NCAPH: variants seen among roughly 807,000 people sequenced by gnomAD.
The protein encoded by NCAPH is condensin complex subunit 2.
Under a neutral mutation model 85.5 loss-of-function variants are expected in NCAPH, and 38 were observed. The ratio of observed to expected loss-of-function variants is 0.44; its 90% CI spans 0.34 to 0.58. The LOEUF (loss-of-function observed/expected upper bound fraction) is 0.58. NCAPH is among the 20% of genes least tolerant of loss of function. The pLI, the probability that NCAPH is intolerant of heterozygous loss-of-function variation, is 0.01. For missense variants in NCAPH, 789 were observed against 916.6 expected (o/e 0.86, Z 1.80); for synonymous variants, 301 against 335.1 (o/e 0.90, Z 1.11).
chr2:96,348,493 A>G (rs900642533), intron 6 of NCAPH, among the ~76,000 whole-genome samples: 3 of 150,686 alleles, frequency 2.0e-5, no homozygotes, highest in African/African-American at 4.9e-5. Context: ...CACCTGGCCT[A>G]TGTCAAGGTC....
intron 11 of NCAPH, 103 bp from the exon 12 acceptor site, chr2:96,360,485 T>G: frequency 7.6e-7 from 1 of 1,321,298 alleles, no homozygotes; most frequent in Non-Finnish European, 1.1e-6. Context: ...AGACTGATGG[T>G]AGACTCATGC....
rs1042559192 is a variant in NCAPH at position 96,335,796 on chromosome 2, G to C, written c.-34G>C. On this transcript the variant is annotated 5_prime_UTR_variant, in exon 1 of 18. Coordinates refer to ENST00000240423, the MANE Select transcript of NCAPH (RefSeq NM_015341.5). ...GGCGCTCAGGCGTCTCGACGCGCGC[G>C]ATTTAAAACCAGCTCAGGAGACGCC... 3 of 1,476,508 alleles carry C rather than the reference G, an allele frequency of 2.0e-6. No individual in the cohort carries two copies. The highest frequency in any genetic ancestry group is 3.0e-5 in the East Asian group (1 of 33,576). 91.5% of individuals were successfully genotyped at this position (1,476,508 alleles called of 1,614,324 possible).
chr2:96,342,710 G>A (rs1376490671), intron 3 of NCAPH, 46 bp from the exon 4 acceptor site: 2 of 1,445,414 alleles, frequency 1.4e-6, no homozygotes, highest in Non-Finnish European at 1.9e-6. Context: ...ATTTACATGA[G>A]CCTAGGCTAT....
chr2:96,340,508 A>T (rs1214466988), intron 1 of NCAPH, among the ~76,000 whole-genome samples: 1 of 146,744 alleles, frequency 6.8e-6, no homozygotes, highest in East Asian at 2.0e-4. Context: ...ATCTTGCCTC[A>T]GCCTCCTGAG....
At chr2:96,365,719 T>C (rs1288975858) in intron 13 of NCAPH, among the ~76,000 whole-genome samples, 157 bp from the exon 14 acceptor site, 1 of 152,208 alleles carries the variant, frequency 6.6e-6, no homozygotes, top group Non-Finnish European at 1.5e-5. Flanking sequence ...TGAAACAGGA[T>C]GATAACTAGA....
intron 5 of NCAPH, among the ~76,000 whole-genome samples, chr2:96,343,625 T>C (rs1033604565): frequency 2.0e-5 from 3 of 152,206 alleles, no homozygotes; most frequent in African/African-American, 7.2e-5. Context: ...ATAGTTTGGT[T>C]TCTCCATAAG....
chr2:96,369,491 C>T lies in NCAPH; in HGVS notation c.2157C>T (p.Ala719=). 1 of 1,613,674 alleles carries T rather than the reference C, an allele frequency of 6.2e-7. No individual in the cohort carries two copies. Among genetic ancestry groups the T allele is most frequent in the Non-Finnish European group, 8.5e-7 (1 of 1,179,606 alleles). Residue 719 remains alanine, a synonymous_variant, in exon 17 of 18, where the codon GCC becomes GCT. Transcript: ENST00000240423. Reference sequence around the variant, plus strand: ...CTTTTGCCTGTCTCCTACATTTAGCCAATGAAAAGGTAGGTAATTAAGGTA... The same window carrying T: ...CTTTTGCCTGTCTCCTACATTTAGCTAATGAAAAGGTAGGTAATTAAGGTA... ...PLAFACLLHL[A]NEKNLKLEGT...
chr2:96,341,408 G>A lies in NCAPH; in HGVS notation c.20-234G>A, dbSNP rs901367309. On this transcript the variant is annotated intron_variant, in intron 1 of 17. Transcript: ENST00000240423. ...TCCATGCAGTACTTAAATTCACATA[G>A]CTGCAGAGTGGATATTTGTCCCAGA... 1.3e-5 allele frequency: 7 copies of A among 527,180 alleles called. No homozygotes were observed. The East Asian group carries it at 2.3e-4, about 17-fold the overall frequency. 32.7% of individuals were successfully genotyped at this position (527,180 alleles called of 1,614,324 possible). A position where few individuals can be genotyped will look rare whatever the true frequency, so the allele number is the denominator to read the frequency against.
At chr2:96,368,133 A>G (rs1459161532) in intron 15 of NCAPH, among the ~76,000 whole-genome samples, 3 of 152,222 alleles carry the variant, frequency 2.0e-5, no homozygotes, top group Non-Finnish European at 4.4e-5. Flanking sequence ...TGCTCAGATA[A>G]TATTCTGAGT....
chr2:96,359,034 G>A lies in NCAPH; in HGVS notation c.1209-11G>A, dbSNP rs2064567055. Reference sequence around the variant, plus strand: ...ATATGTATTGTACATGTACAAATATGTGTGTTACAGGGAAGAAATGATTTC... The same window carrying A: ...ATATGTATTGTACATGTACAAATATATGTGTTACAGGGAAGAAATGATTTC... On this transcript the variant is annotated splice_polypyrimidine_tract_variant and intron_variant, in intron 9 of 17. Coordinates refer to ENST00000240423, the MANE Select transcript of NCAPH (RefSeq NM_015341.5). The A allele has an allele frequency of 1.2e-6, 2 of 1,613,314 alleles. No homozygotes were observed. The highest frequency in any genetic ancestry group is 2.7e-5 in the African/African-American group (2 of 74,914).
chr2:96,339,717 C>T (rs2064265263), intron 1 of NCAPH, among the ~76,000 whole-genome samples: 1 of 151,952 alleles, frequency 6.6e-6, no homozygotes, highest in Admixed American at 6.6e-5. Context: ...TCTAGGAAAA[C>T]TGTTTTTGTC....
chr2:96,351,796 C>T (rs369106605), intron 6 of NCAPH, 35 bp from the exon 7 acceptor site: 162 of 1,540,152 alleles, frequency 1.1e-4, no homozygotes, highest in African/African-American at 8.3e-4. Flanking sequence ...GGCTACATGC[C>T]GTAAATCTTC....
rs1210029457 is a variant in NCAPH at position 96,376,303 on chromosome 2, G to A, written c.*2952G>A. Among the ~76,000 whole-genome samples the A allele has an allele frequency of 6.6e-6, 1 of 151,986 alleles. No homozygotes were observed. Among genetic ancestry groups the A allele is most frequent in the African/African-American group, 2.4e-5 (1 of 41,436 alleles). On this transcript the variant is annotated 3_prime_UTR_variant, in exon 18 of 18. Transcript: ENST00000240423. ...AGGGAATTGCAATTTGCAAGAGAGGGGCAATTTGCAATTTGCAAGAGAGGG... is the reference window on the plus strand; with the variant it reads ...AGGGAATTGCAATTTGCAAGAGAGGAGCAATTTGCAATTTGCAAGAGAGGG...
intron 17 of NCAPH, among the ~76,000 whole-genome samples, chr2:96,370,519 G>C (rs558949672): frequency 6.6e-6 from 1 of 152,340 alleles, no homozygotes; most frequent in South Asian, 2.1e-4. Context: ...TTCCAGGTCT[G>C]ACTCTGCTTT....
rs368080120 is a variant in NCAPH at position 96,360,277 on chromosome 2, C to T, written c.1464+28C>T. ...TTGTACTGAATTTATTAGGATTGTG[C>T]TTACTCGTTTTTCCCTTTCAGATGT... On this transcript the variant is annotated intron_variant, in intron 11 of 17. Transcript: ENST00000240423. 1.1e-5 allele frequency: 14 copies of T among 1,246,754 alleles called. No individual in the cohort carries two copies. The African/African-American group carries it at 2.1e-4, about 19-fold the overall frequency. 77.2% of individuals were successfully genotyped at this position (1,246,754 alleles called of 1,614,324 possible).
In NCAPH at chr2:96,353,317, C is replaced by G. The variant is rs747759021; in HGVS notation, c.922C>G (p.Gln308Glu). 3.1e-6 allele frequency: 5 copies of G among 1,614,048 alleles called. No homozygotes were observed. The East Asian group carries it at 8.9e-5, about 29-fold the overall frequency. Residue 308 changes from glutamine (Q) to glutamate (E), a missense_variant, in exon 8 of 18, where the codon CAG becomes GAG. Transcript: ENST00000240423. ...GCTATCCTCTCCAGCGCCCTTGCAG[C>G]AGTGTGCAGAAGATCGCCAGATCTG... ...EMTDLKAPLQQCAEDRQICPS... is the reference protein window; with the variant it reads ...EMTDLKAPLQECAEDRQICPS...
At chr2:96,341,554 G>A (rs1020937054) in intron 1 of NCAPH, 88 bp from the exon 2 acceptor site, 58 of 1,488,176 alleles carry the variant, frequency 3.9e-5, no homozygotes, top group Non-Finnish European at 5.2e-5. Context: ...AGTGTGTGGT[G>A]AACCTCCACC....
chr2:96,341,784 CTT>C lies in NCAPH; in HGVS notation c.164_165del (p.Phe55SerfsTer4). The C allele has an allele frequency of 6.2e-7, 1 of 1,614,182 alleles. No individual in the cohort carries two copies. Among genetic ancestry groups the C allele is most frequent in the Middle Eastern group, 1.6e-4 (1 of 6,062 alleles). ...NIPGTPVLED[F>X]PQNDDEKERL... ...TTCCTGGCACCCCAGTCCTCGAAGA[CTT>C]TCCTCAGAATGACGATGAGAAGGAG... On this transcript the variant is annotated frameshift_variant, in exon 2 of 18. Transcript: ENST00000240423. LOFTEE classifies it high-confidence loss of function.
intron 14 of NCAPH, among the ~76,000 whole-genome samples, chr2:96,366,726 A>C (rs973615638): frequency 6.6e-6 from 1 of 151,880 alleles, no homozygotes; most frequent in African/African-American, 2.4e-5. Context: ...AAAATACAAA[A>C]ATTAGCTGGG....
Sources: allele counts gnomAD v4.1 joint callset (sites outside exome capture counted in the v4.1 genomes callset), GRCh38; gene constraint gnomAD v4.1.1; transcripts MANE v1.5; gene names NCBI Gene and HGNC (gene_info 2026-07-23, HGNC 2026-07-21).